The following HECW1 variants were observed in gnomAD, a reference collection of about 807,000 sequenced individuals.
HECW1 encodes the protein E3 ubiquitin-protein ligase HECW1.
In HECW1, 61 loss-of-function variants were observed where a neutral mutation model predicts 182.3. The ratio of observed to expected loss-of-function variants is 0.33; its 90% CI spans 0.27 to 0.41. The LOEUF is 0.41. Ranked by LOEUF, HECW1 falls within the 10% of genes least tolerant of loss-of-function variation. The pLI, the probability that HECW1 is intolerant of heterozygous loss-of-function variation, is 1.00. For synonymous variants in HECW1, 859 were observed against 832.6 expected (o/e 1.03, Z -0.55); for missense variants, 1,739 against 2,108.9 (o/e 0.82, Z 3.44).
At chr7:43,220,878 A>C (rs1367730319) in intron 2 of HECW1, among the ~76,000 whole-genome samples, 2 of 152,202 alleles carry the variant, frequency 1.3e-5, no homozygotes, top group African/African-American at 2.4e-5. Flanking sequence ...GGCTTTAAAA[A>C]TGGGCAGGGC....
At chr7:43,460,817 A>G (rs1248912723) in intron 13 of HECW1, among the ~76,000 whole-genome samples, 1 of 152,110 alleles carries the variant, frequency 6.6e-6, no homozygotes, top group Non-Finnish European at 1.5e-5. Flanking sequence ...TGCTTCCCCA[A>G]ACTGCCTCTG....
In HECW1 at chr7:43,316,149, GATTAAA is replaced by G. The variant is rs1328762075; in HGVS notation, c.352+4067_352+4072del. ...TCTGTAAGCTTTATTAGACCTTTCT[GATTAAA>G]ATTATAATAATCCACAAAGATCCTT... On this transcript the variant is annotated intron_variant, in intron 4 of 29. Transcript: ENST00000395891. 3.3e-5 allele frequency among the ~76,000 whole-genome samples: 5 copies of G among 152,086 alleles called. No individual in the cohort carries two copies. In the East Asian group the frequency reaches 7.7e-4, roughly 23 times the overall value.
intron 2 of HECW1, among the ~76,000 whole-genome samples, chr7:43,134,732 C>G (rs1370912219): frequency 6.7e-6 from 1 of 149,944 alleles, no homozygotes; most frequent in Non-Finnish European, 1.5e-5. Context: ...ATTTTTTTTT[C>G]TTACTTTAAT....
chr7:43,247,504 A>C (rs1419143191), intron 3 of HECW1, among the ~76,000 whole-genome samples: 1 of 152,166 alleles, frequency 6.6e-6, no homozygotes, highest in Non-Finnish European at 1.5e-5. Context: ...TTAGCCAGGC[A>C]TGGCAGTGCA....
intron 8 of HECW1, among the ~76,000 whole-genome samples, chr7:43,428,119 A>G (rs894821539): frequency 1.3e-5 from 2 of 152,218 alleles, no homozygotes; most frequent in Admixed American, 6.5e-5. Flanking sequence ...TCTCTCTACC[A>G]CATTTATTAT....
intron 12 of HECW1, 53 bp downstream of exon 12, chr7:43,450,982 C>A (rs1475429587): frequency 8.1e-7 from 1 of 1,234,288 alleles, no homozygotes; most frequent in Non-Finnish European, 1.2e-6. Context: ...CAAGTCTAAG[C>A]AGGTCAGTAT....
In HECW1 at chr7:43,469,090, G is replaced by A. The variant is rs764007886; in HGVS notation, c.3084G>A (p.Thr1028=). The change falls in exon 16 of 30, where the codon ACG becomes ACA. Residue 1028 remains threonine, a synonymous_variant. Coordinates refer to ENST00000395891, the MANE Select transcript of HECW1 (RefSeq NM_015052.5). ...LELPRGWEIK[T]DQQGKSFFVD... is the part of the protein sequence containing the mutation. ...TGCCCCGGGGCTGGGAGATCAAAAC[G>A]GACCAGCAGGGAAAGGTGAGTGTGA... The A allele has an allele frequency of 1.5e-5, 24 of 1,613,800 alleles. No homozygotes were observed. The highest frequency in any genetic ancestry group is 3.3e-5 in the South Asian group (3 of 91,078).
chr7:43,442,451 T>G lies in HECW1; in HGVS notation c.945-78T>G, dbSNP rs73328102. 5,020 of 1,001,200 alleles carry G rather than the reference T, an allele frequency of 5.0e-3. 161 individuals carry two copies. In the African/African-American group the frequency reaches 0.072, roughly 14 times the overall value. 62.0% of individuals were successfully genotyped at this position (1,001,200 alleles called of 1,614,324 possible). A position where few individuals can be genotyped will look rare whatever the true frequency, so the allele number is the denominator to read the frequency against. On this transcript the variant is annotated intron_variant, in intron 9 of 29. Coordinates refer to ENST00000395891, the MANE Select transcript of HECW1 (RefSeq NM_015052.5). ...CCCTGGGCTTGCCTGCCTCACCCAC[T>G]GGTATAGAAAGCACACTGCATGGTC...
At chr7:43,162,798 TAGC>T (rs1790687529) in intron 2 of HECW1, 1 of 152,232 alleles carries the variant, frequency 6.6e-6, no homozygotes, top group African/African-American at 2.4e-5. Context: ...ATTGTAATAA[TAGC>T]AGCAGTAATT....
At chr7:43,338,956 A>G (rs1438530786) in intron 5 of HECW1, among the ~76,000 whole-genome samples, 1 of 152,232 alleles carries the variant, frequency 6.6e-6, no homozygotes, top group Non-Finnish European at 1.5e-5. Context: ...CACAATATAT[A>G]TAGCGGGAAC....
intron 3 of HECW1, among the ~76,000 whole-genome samples, chr7:43,301,746 G>A (rs890551747): frequency 5.9e-5 from 9 of 151,862 alleles, no homozygotes; most frequent in Admixed American, 2.0e-4. Context: ...ACGGTGGCAC[G>A]CACCTGTAAT....
At chr7:43,154,046 A>C (rs1789629237) in intron 2 of HECW1, among the ~76,000 whole-genome samples, 1 of 152,154 alleles carries the variant, frequency 6.6e-6, no homozygotes, top group Non-Finnish European at 1.5e-5. Context: ...TAGTATTTTA[A>C]AATTATTTCT....
chr7:43,173,320 C>T (rs1791874865), intron 2 of HECW1, among the ~76,000 whole-genome samples: 1 of 152,174 alleles, frequency 6.6e-6, no homozygotes, highest in African/African-American at 2.4e-5. Context: ...GGTTTGGTTT[C>T]CTTGGGGCCA....
At chr7:43,356,274 A>C (rs556817943) in intron 5 of HECW1, among the ~76,000 whole-genome samples, 1 of 152,322 alleles carries the variant, frequency 6.6e-6, no homozygotes, top group African/African-American at 2.4e-5. Context: ...ATCAGATAAA[A>C]TAGACTACAA....
At chr7:43,308,134 AAT>A (rs1229578035) in intron 3 of HECW1, among the ~76,000 whole-genome samples, 1 of 103,730 alleles carries the variant, frequency 9.6e-6, no homozygotes, top group African/African-American at 4.1e-5. Context: ...ATTTATATAT[AAT>A]ATATTATATT....
chr7:43,402,015 A>T (rs2075433726), intron 7 of HECW1, among the ~76,000 whole-genome samples: 1 of 151,980 alleles, frequency 6.6e-6, no homozygotes, highest in African/African-American at 2.4e-5. Context: ...GTCGAAGAGG[A>T]GATTGGCCGA....
At chr7:43,255,287 G>T (rs1393716130) in intron 3 of HECW1, among the ~76,000 whole-genome samples, 1 of 152,254 alleles carries the variant, frequency 6.6e-6, no homozygotes, top group East Asian at 1.9e-4. Flanking sequence ...GATAACTTCA[G>T]TCACCGTTGC....
intron 6 of HECW1, among the ~76,000 whole-genome samples, chr7:43,365,333 C>T (rs1338323404): frequency 1.3e-5 from 2 of 152,244 alleles, no homozygotes; most frequent in African/African-American, 4.8e-5. Flanking sequence ...CCTCCCCACC[C>T]ACTCTGAGGC....
intron 7 of HECW1, among the ~76,000 whole-genome samples, chr7:43,398,534 C>A (rs1362096729): frequency 6.6e-6 from 1 of 152,012 alleles, no homozygotes; most frequent in African/African-American, 2.4e-5. Context: ...GTTAACTGGG[C>A]TTTTCAAGTC....
Sources: gnomAD v4.1 joint callset for allele counts (sites outside exome capture counted in the v4.1 genomes callset) on GRCh38, gnomAD v4.1.1 for gene constraint, MANE v1.5 for transcripts, NCBI Gene and HGNC (gene_info 2026-07-23, HGNC 2026-07-21) for gene names.